Variants in PSD3 observed in about 807,000 individuals in gnomAD.
PSD3 encodes PH and SEC7 domain-containing protein 3.
PSD3 carries 49 observed loss-of-function variants against 105.5 expected under a neutral mutation model. The observed-to-expected ratio is 0.46, with a 90% CI of 0.37 to 0.59. The LOEUF (loss-of-function observed/expected upper bound fraction) is 0.59. PSD3 is among the 20% of genes least tolerant of loss of function. The probability of loss-of-function intolerance (pLI) is 0.00; values close to 1 mark genes in which losing one functional copy is unlikely to be tolerated. For synonymous variants in PSD3, 557 were observed against 457.8 expected, an observed-to-expected ratio of 1.22 and a Z score of -2.77; for missense variants, 1,561 against 1,263.8, an observed-to-expected ratio of 1.24 and a Z score of -3.57.
intron 4 of PSD3, among the ~76,000 whole-genome samples, chr8:18,827,536 A>C (rs947383519): frequency 6.6e-6 from 1 of 152,226 alleles, no homozygotes; most frequent in South Asian, 2.1e-4. Flanking sequence ...GTATTATGGA[A>C]GGTGACTGGA....
At chr8:18,539,842 G>A (rs1032631901) in intron 15 of PSD3, among the ~76,000 whole-genome samples, 2 of 151,950 alleles carry the variant, frequency 1.3e-5, no homozygotes, top group African/African-American at 2.4e-5. Context: ...CACCACACTC[G>A]GCCAGTAAAT....
intron 4 of PSD3, among the ~76,000 whole-genome samples, chr8:18,857,447 C>T (rs973710466): frequency 6.6e-6 from 1 of 152,108 alleles, no homozygotes; most frequent in East Asian, 1.9e-4. Context: ...GTGTTGAGAA[C>T]CTAGGCTGCG....
rs200264809 is a variant in PSD3 at position 18,824,323 on chromosome 8, A to G, written c.1635-19425T>C. On this transcript the variant is annotated intron_variant, in intron 4 of 15. Coordinates refer to ENST00000327040, the MANE Select transcript of PSD3 (RefSeq NM_015310.4). ...ACAGTAAACATTCCACTGCCCTTAT[A>G]TAGTTGAAAGGAAGGCAACATGGTG... Among the ~76,000 whole-genome samples, 8 of 152,338 alleles carry G rather than the reference A, an allele frequency of 5.3e-5. No individual in the cohort carries two copies. The East Asian group carries it at 1.5e-3, about 29-fold the overall frequency.
intron 9 of PSD3, among the ~76,000 whole-genome samples, chr8:18,760,365 T>C (rs1585869990): frequency 6.6e-6 from 1 of 152,084 alleles, no homozygotes; most frequent in South Asian, 2.1e-4. Context: ...GATTTATTTA[T>C]ATAGTCGAAA....
intron 11 of PSD3, among the ~76,000 whole-genome samples, chr8:18,602,181 C>T (rs920338746): frequency 9.4e-5 from 14 of 149,210 alleles, no homozygotes; most frequent in African/African-American, 3.2e-4. Flanking sequence ...TGGCATCTTG[C>T]GATCCCTTTA....
intron 2 of PSD3, among the ~76,000 whole-genome samples, chr8:18,893,291 T>C (rs1483737376): frequency 1.3e-5 from 2 of 151,952 alleles, no homozygotes; most frequent in Non-Finnish European, 2.9e-5. Context: ...GTTTATATAA[T>C]ATACCTCCAA....
chr8:19,072,380 C>A (rs1323998484), intron 1 of PSD3, among the ~76,000 whole-genome samples: 1 of 152,178 alleles, frequency 6.6e-6, no homozygotes, highest in African/African-American at 2.4e-5. Context: ...AGCCACGGAG[C>A]CCGGATGGTT....
intron 9 of PSD3, among the ~76,000 whole-genome samples, chr8:18,670,576 G>C (rs17127023): frequency 0.097 from 14,770 of 152,050 alleles, 906 homozygotes; most frequent in African/African-American, 0.16. Flanking sequence ...ATATGAGAAA[G>C]GTGGACCATT....
chr8:19,023,185 T>A (rs1827419891), intron 1 of PSD3, among the ~76,000 whole-genome samples: 1 of 152,186 alleles, frequency 6.6e-6, no homozygotes, highest in Non-Finnish European at 1.5e-5. Context: ...AGCTCAATCA[T>A]TTACAACCAC....
intron 12 of PSD3, among the ~76,000 whole-genome samples, chr8:18,582,816 CTTTTTTTTTTTT>C (rs71217386): frequency 0.03 from 3,708 of 125,388 alleles, 263 homozygotes; most frequent in East Asian, 0.22. Context: ...CCACACTGAT[CTTTTTTTTTTTT>C]TTTTTTTTTT....
intron 2 of PSD3, among the ~76,000 whole-genome samples, chr8:18,916,297 GATATATATAT>G (rs71218908): frequency 0.067 from 2,062 of 30,770 alleles, 138 homozygotes; most frequent in East Asian, 0.094. Flanking sequence ...TAAAAAAAGT[GATATATATAT>G]ATATATATAT....
intron 1 of PSD3, among the ~76,000 whole-genome samples, chr8:18,987,207 G>C (rs963409094): frequency 6.6e-6 from 1 of 151,550 alleles, no homozygotes; most frequent in Non-Finnish European, 1.5e-5. Flanking sequence ...AAAATTTTTT[G>C]AGGTTTAGCT....
At chr8:18,661,152 A>G (rs1198078741) in intron 9 of PSD3, among the ~76,000 whole-genome samples, 2 of 152,096 alleles carry the variant, frequency 1.3e-5, no homozygotes, top group Non-Finnish European at 1.5e-5. Flanking sequence ...ATTTTAGTTC[A>G]ATCATCTCTA....
intron 1 of PSD3, among the ~76,000 whole-genome samples, chr8:19,068,162 A>C (rs1218889098): frequency 6.6e-6 from 1 of 152,136 alleles, no homozygotes; most frequent in Non-Finnish European, 1.5e-5. Context: ...CCCAGGACAC[A>C]TGAGAAGAGG....
chr8:18,574,037 T>C (rs1028159798), intron 13 of PSD3, among the ~76,000 whole-genome samples: 4 of 152,328 alleles, frequency 2.6e-5, no homozygotes, highest in African/African-American at 9.6e-5. Context: ...TGTGTCATTA[T>C]ATCCAGAAAG....
chr8:18,626,439 T>C (rs2130739183), intron 11 of PSD3, among the ~76,000 whole-genome samples: 1 of 152,276 alleles, frequency 6.6e-6, no homozygotes, highest in South Asian at 2.1e-4. Context: ...AATATAGGTC[T>C]ACCTATAGTG....
chr8:18,541,781 G>A (rs930787452), intron 15 of PSD3, among the ~76,000 whole-genome samples: 14 of 147,606 alleles, frequency 9.5e-5, no homozygotes, highest in Non-Finnish European at 1.6e-4. Flanking sequence ...ATGGAGTTTC[G>A]CTGTTGTCAC....
intron 1 of PSD3, among the ~76,000 whole-genome samples, chr8:18,968,089 C>G (rs934104958): frequency 6.6e-6 from 1 of 152,170 alleles, no homozygotes; most frequent in Non-Finnish European, 1.5e-5. Flanking sequence ...GATTTATAAA[C>G]AGAAATTTAT....
chr8:18,912,155 T>C (rs763973898), intron 2 of PSD3, among the ~76,000 whole-genome samples: 14 of 152,268 alleles, frequency 9.2e-5, no homozygotes, highest in Admixed American at 5.2e-4. Context: ...GTTTTTGCCA[T>C]GAAAATCCCA....
Sources: gnomAD v4.1 joint callset for allele counts (sites outside exome capture counted in the v4.1 genomes callset) on GRCh38, gnomAD v4.1.1 for gene constraint, MANE v1.5 for transcripts, NCBI Gene and HGNC (gene_info 2026-07-23, HGNC 2026-07-21) for gene names.